The following SLC22A3 variants were observed in gnomAD, a reference collection of about 807,000 sequenced individuals.
SLC22A3 encodes the protein EMT organic cation transporter 3.
A neutral mutation model predicts 59.1 loss-of-function variants in SLC22A3; 51 were observed. The observed-to-expected ratio is 0.86, with a 90% CI of 0.69 to 1.09. SLC22A3 has a LOEUF of 1.09. Among genes scored for constraint, SLC22A3 ranks in the 50% least tolerant of loss-of-function variants. The pLI is 0.00. For missense variants in SLC22A3, 711 were observed against 726.3 expected (o/e 0.98, Z 0.24); for synonymous variants, 325 against 292.0 (o/e 1.11, Z -1.15).
intron 1 of SLC22A3, among the ~76,000 whole-genome samples, chr6:160,371,841 GT>G (rs1785409531): frequency 6.6e-6 from 1 of 152,104 alleles, no homozygotes; most frequent in Non-Finnish European, 1.5e-5. Context: ...AGCATCTGTT[GT>G]TTCCTGCCTT....
At chr6:160,382,387 A>G (rs983225371) in intron 1 of SLC22A3, among the ~76,000 whole-genome samples, 4 of 152,228 alleles carry the variant, frequency 2.6e-5, no homozygotes, top group Admixed American at 6.5e-5. Context: ...TTATGCAAAC[A>G]TAAGGGAGAC....
intron 5 of SLC22A3, among the ~76,000 whole-genome samples, chr6:160,414,376 C>G (rs1243750162): frequency 6.6e-6 from 1 of 152,184 alleles, no homozygotes; most frequent in East Asian, 1.9e-4. Context: ...ATAGGGAAGA[C>G]AAGACATATG....
At chr6:160,425,897 C>T (rs17593921) in intron 5 of SLC22A3, 26,354 of 985,380 alleles carry the variant, frequency 0.027, 397 homozygotes, top group Non-Finnish European at 0.03. Flanking sequence ...TAACATGCTT[C>T]GCTGTCAACA....
chr6:160,424,496 TCTAC>T (rs1333214911), intron 5 of SLC22A3, among the ~76,000 whole-genome samples: 1 of 152,216 alleles, frequency 6.6e-6, no homozygotes, highest in African/African-American at 2.4e-5. Flanking sequence ...ATAAGGTGTC[TCTAC>T]CTGTTGCTGA....
chr6:160,402,220 A>G (rs573531928), intron 2 of SLC22A3, among the ~76,000 whole-genome samples: 46 of 152,000 alleles, frequency 3.0e-4, no homozygotes, highest in Non-Finnish European at 4.7e-4. Context: ...CAGTAATCAA[A>G]GTAAAGCAGA....
Position 160,348,461 on chromosome 6 carries a change from C to T in SLC22A3, c.42C>T (p.Phe14=). The T allele has an allele frequency of 6.5e-7, 1 of 1,537,312 alleles. No homozygotes were observed. The highest frequency in any genetic ancestry group is 8.7e-7 in the Non-Finnish European group (1 of 1,146,076). The part of the protein sequence containing the change: ...FDEALQRVGE[F]GRFQRRVFLL... ...AGGCGCTGCAGCGGGTGGGCGAGTT[C>T]GGGCGCTTCCAGAGGCGCGTGTTTT... The change falls in exon 1 of 11, where the codon TTC becomes TTT. Residue 14 remains phenylalanine (F), a synonymous_variant. Transcript: ENST00000275300.
rs760874011 is a variant in SLC22A3 at position 160,400,084 on chromosome 6, A to ATTTT, written c.533+2025_533+2028dup. Among the ~76,000 whole-genome samples, 11 of 95,410 alleles carry ATTTT rather than the reference A, an allele frequency of 1.2e-4. 1 individual carries two copies. Among genetic ancestry groups the ATTTT allele is most frequent in the African/African-American group, 3.3e-4 (8 of 24,458 alleles). The allele number at this position is 95,410 out of a possible 152,430, so 62.6% of individuals were successfully genotyped here. On this transcript the variant is annotated intron_variant, in intron 2 of 10. Coordinates refer to ENST00000275300, the MANE Select transcript of SLC22A3 (RefSeq NM_021977.4). ...TCAAAGGAGGGCCCAAGCTTTTGTGATTTTTTTTTTTTTTTTTTTTTTTTT... is the reference window on the plus strand; with the variant it reads ...TCAAAGGAGGGCCCAAGCTTTTGTGATTTTTTTTTTTTTTTTTTTTTTTTTTTTT...
At chr6:160,349,393 C>T (rs1225293271) in intron 1 of SLC22A3, among the ~76,000 whole-genome samples, 1 of 152,144 alleles carries the variant, frequency 6.6e-6, no homozygotes, top group Non-Finnish European at 1.5e-5. Context: ...CGAGGCTTTC[C>T]CGGGGAATGG....
chr6:160,411,715 C>T (rs1787257194), intron 5 of SLC22A3, among the ~76,000 whole-genome samples: 2 of 152,026 alleles, frequency 1.3e-5, no homozygotes, highest in African/African-American at 4.8e-5. Context: ...GCCCTCCAGC[C>T]TAGGAGACAG....
At chr6:160,374,834 G>A (rs1425881236) in intron 1 of SLC22A3, among the ~76,000 whole-genome samples, 1 of 152,236 alleles carries the variant, frequency 6.6e-6, no homozygotes, top group Non-Finnish European at 1.5e-5. Flanking sequence ...AGGGAAGGGT[G>A]CCAACCTCTG....
At chr6:160,360,764 C>A (rs546296531) in intron 1 of SLC22A3, among the ~76,000 whole-genome samples, 1 of 151,854 alleles carries the variant, frequency 6.6e-6, no homozygotes, top group Non-Finnish European at 1.5e-5. Context: ...TTTATTAACT[C>A]CCCCCCGCCC....
chr6:160,442,638 T>A, intron 7 of SLC22A3, 123 bp from the exon 8 acceptor site: 1 of 741,228 alleles, frequency 1.3e-6, no homozygotes, highest in African/African-American at 1.7e-5. Context: ...TTCTATCATT[T>A]GTGCTTAAAA....
intron 1 of SLC22A3, among the ~76,000 whole-genome samples, chr6:160,349,852 A>T (rs1342238434): frequency 1.3e-5 from 2 of 152,230 alleles, no homozygotes; most frequent in Non-Finnish European, 2.9e-5. Context: ...ATTGAATGTG[A>T]TCAGGTACAT....
intron 5 of SLC22A3, among the ~76,000 whole-genome samples, chr6:160,432,454 G>A (rs1228688245): frequency 2.9e-5 from 4 of 139,310 alleles, no homozygotes; most frequent in Admixed American, 1.5e-4. Context: ...TTTTTGAGAC[G>A]GAGTCTCCCC....
intron 1 of SLC22A3, among the ~76,000 whole-genome samples, chr6:160,385,607 G>T (rs1162817839): frequency 6.6e-6 from 1 of 152,184 alleles, no homozygotes; most frequent in Non-Finnish European, 1.5e-5. Context: ...CGGCCCTACT[G>T]TGCGCAGCTG....
chr6:160,439,143 A>G (rs1266281394), intron 7 of SLC22A3, among the ~76,000 whole-genome samples: 3 of 152,060 alleles, frequency 2.0e-5, no homozygotes, highest in African/African-American at 7.2e-5. Flanking sequence ...ATTGCCAGCC[A>G]CTGAACTAGG....
At chr6:160,439,122 A>G (rs2063345) in intron 7 of SLC22A3, among the ~76,000 whole-genome samples, 37,545 of 151,894 alleles carry the variant, frequency 0.25, 5,107 homozygotes, top group East Asian at 0.42. Flanking sequence ...GTATCTATTT[A>G]GTATCGACTA....
Position 160,451,313 on chromosome 6 carries a change from T to TG in SLC22A3, c.*260dup, listed in dbSNP as rs1159351185. 2.6e-5 allele frequency: 12 copies of TG among 458,738 alleles called. No homozygotes were observed. In the Middle Eastern group the frequency reaches 2.4e-3, roughly 93 times the overall value. The allele number at this position is 458,738 out of a possible 1,614,324, so 28.4% of individuals were successfully genotyped here. On this transcript the variant is annotated 3_prime_UTR_variant, in exon 11 of 11. Transcript: ENST00000275300. The stretch of plus-strand genomic sequence containing the variant: ...AAGCTGTCAGGTGCACAGCCCTTCC[T>TG]GGGTTTTTTTCTTGTGTTCCCTGTG...
At chr6:160,417,950 G>A (rs1256635857) in intron 5 of SLC22A3, among the ~76,000 whole-genome samples, 1 of 152,200 alleles carries the variant, frequency 6.6e-6, no homozygotes, top group Non-Finnish European at 1.5e-5. Flanking sequence ...AAACACATGA[G>A]ATAAATGAAT....
Sources: gnomAD v4.1 joint callset for allele counts (sites outside exome capture counted in the v4.1 genomes callset) on GRCh38, gnomAD v4.1.1 for gene constraint, MANE v1.5 for transcripts, NCBI Gene and HGNC (gene_info 2026-07-23, HGNC 2026-07-21) for gene names.